Variants in RBL1 observed in about 807,000 individuals in gnomAD.
RBL1 encodes RB transcriptional corepressor like 1, also known as retinoblastoma-like protein 1.
Under a neutral mutation model 123.0 loss-of-function variants are expected in RBL1, and 82 were observed. That is an observed-to-expected ratio of 0.67 (90% CI 0.56 to 0.80). RBL1 has a LOEUF of 0.80. RBL1 is among the 30% of genes least tolerant of loss of function. RBL1 has a pLI of 0.00. For synonymous variants in RBL1, 405 were observed against 441.3 expected (o/e 0.92, Z 1.03); for missense variants, 1,171 against 1,299.6 (o/e 0.90, Z 1.52).
chr20:37,010,422 T>C (rs749748658), intron 19 of RBL1, among the ~76,000 whole-genome samples: 8 of 152,194 alleles, frequency 5.3e-5, no homozygotes, highest in Non-Finnish European at 7.3e-5. Flanking sequence ...TACATAGTTG[T>C]GTATTGCATA....
intron 9 of RBL1, among the ~76,000 whole-genome samples, chr20:37,058,149 A>AAAAAAAAAAC: frequency 6.6e-6 from 1 of 150,652 alleles, no homozygotes; most frequent in Non-Finnish European, 1.5e-5. Context: ...ACAAAAAAAA[A>AAAAAAAAAAC]AAAGCCTATT....
At chr20:37,025,471 G>A (rs183803057) in intron 16 of RBL1, among the ~76,000 whole-genome samples, 40 of 152,104 alleles carry the variant, frequency 2.6e-4, no homozygotes, top group African/African-American at 8.9e-4. Flanking sequence ...AGTGAGCCAT[G>A]ATCTTGCCAC....
chr20:37,048,967 C>T (rs1287029488), intron 11 of RBL1, among the ~76,000 whole-genome samples: 2 of 150,514 alleles, frequency 1.3e-5, no homozygotes, highest in African/African-American at 4.9e-5. Context: ...TTTGGGAGGC[C>T]GAGGGGGGTG....
intron 12 of RBL1, among the ~76,000 whole-genome samples, chr20:37,045,001 T>A (rs1266543825): frequency 6.6e-6 from 1 of 152,088 alleles, no homozygotes; most frequent in Non-Finnish European, 1.5e-5. Context: ...GTATCTAGAA[T>A]AAAGTTTATA....
chr20:37,021,339 T>C (rs2064336620), intron 17 of RBL1, among the ~76,000 whole-genome samples: 1 of 152,216 alleles, frequency 6.6e-6, no homozygotes, highest in Non-Finnish European at 1.5e-5. Context: ...CCATTAGTGC[T>C]AAACCTGTTC....
chr20:36,997,157 A>T lies in RBL1; in HGVS notation c.*1602T>A, dbSNP rs1176807074. 1 of 152,218 alleles carries T rather than the reference A, an allele frequency of 6.6e-6. No individual in the cohort carries two copies. The highest frequency in any genetic ancestry group is 1.9e-4 in the East Asian group (1 of 5,204). 9.4% of individuals were successfully genotyped at this position (152,218 alleles called of 1,614,324 possible). A position where few individuals can be genotyped will look rare whatever the true frequency, so the allele number is the denominator to read the frequency against. Reference sequence around the variant, plus strand: ...CATGTCCTTTGGATTCCAGACACACACTAGAAAAAGTAAACGTTAAAGAGG... The same window carrying T: ...CATGTCCTTTGGATTCCAGACACACTCTAGAAAAAGTAAACGTTAAAGAGG... On this transcript the variant is annotated 3_prime_UTR_variant, in exon 22 of 22. Coordinates refer to ENST00000373664, the MANE Select transcript of RBL1 (RefSeq NM_002895.5).
At chr20:37,008,742 C>A (rs1373349694) in intron 19 of RBL1, among the ~76,000 whole-genome samples, 1 of 150,220 alleles carries the variant, frequency 6.7e-6, no homozygotes, top group South Asian at 2.1e-4. Flanking sequence ...CCAGAAAACA[C>A]AAACATGGTT....
chr20:36,999,748 C>T (rs1190946475), intron 21 of RBL1, among the ~76,000 whole-genome samples: 2 of 152,258 alleles, frequency 1.3e-5, no homozygotes, highest in African/African-American at 2.4e-5. Context: ...CCAGCCTCGG[C>T]CTCCCGAGGT....
At chr20:37,070,306 G>A (rs972359133) in intron 2 of RBL1, among the ~76,000 whole-genome samples, 3 of 151,940 alleles carry the variant, frequency 2.0e-5, no homozygotes, top group African/African-American at 7.3e-5. Context: ...CTCCCTAATC[G>A]CAAGTTCCCA....
chr20:37,083,207 C>A (rs1303129120), intron 2 of RBL1, among the ~76,000 whole-genome samples: 1 of 152,096 alleles, frequency 6.6e-6, no homozygotes, highest in East Asian at 1.9e-4. Context: ...GTGGCTCATG[C>A]CTGTAATCTT....
intron 13 of RBL1, among the ~76,000 whole-genome samples, chr20:37,043,665 G>A (rs576195879): frequency 2.6e-5 from 4 of 152,016 alleles, no homozygotes; most frequent in East Asian, 1.9e-4. Context: ...GTGAAACCCC[G>A]CCTTAAAAAA....
At chr20:37,000,862 T>G (rs2063963424) in intron 21 of RBL1, among the ~76,000 whole-genome samples, 1 of 125,776 alleles carries the variant, frequency 8.0e-6, no homozygotes, top group Non-Finnish European at 1.7e-5. Flanking sequence ...GAGGAGCCCC[T>G]CTGCCCGGCC....
chr20:37,058,650 C>T (rs1176514222), intron 9 of RBL1, among the ~76,000 whole-genome samples: 1 of 152,024 alleles, frequency 6.6e-6, no homozygotes, highest in Non-Finnish European at 1.5e-5. Context: ...AGCAATACAC[C>T]CACCCTGGCC....
chr20:37,024,792 A>T lies in RBL1; in HGVS notation c.2383-1966T>A, dbSNP rs76034357. On this transcript the variant is annotated intron_variant, in intron 16 of 21. Transcript: ENST00000373664. The stretch of plus-strand genomic sequence containing the variant: ...GAGGCAATAATTTGCCATTTTGAAA[A>T]TTAAAAATGGTAAGTAAATGGGGAA... Among the ~76,000 whole-genome samples, 56 of 152,310 alleles carry T rather than the reference A, an allele frequency of 3.7e-4. No homozygotes were observed. In the East Asian group the frequency reaches 8.3e-3, roughly 23 times the overall value.
At chr20:37,054,028 TACACACACAC>T (rs55898438) in intron 11 of RBL1, among the ~76,000 whole-genome samples, 3 of 146,952 alleles carry the variant, frequency 2.0e-5, no homozygotes, top group Non-Finnish European at 3.0e-5. Context: ...TACAATTTTA[TACACACACAC>T]ACACACACAC....
In RBL1 at chr20:37,061,281, G is replaced by A. The variant is rs756140252; in HGVS notation, c.1084-12C>T. Reference sequence around the variant, plus strand: ...GCAAATGACCTTTTCTGTCAGAAAAGAAAAATCCGTGAGTTTTTAAAAGTT... The same window carrying A: ...GCAAATGACCTTTTCTGTCAGAAAAAAAAAATCCGTGAGTTTTTAAAAGTT... On this transcript the variant is annotated splice_polypyrimidine_tract_variant and intron_variant, in intron 8 of 21. Transcript: ENST00000373664. The A allele has an allele frequency of 1.2e-6, 2 of 1,604,462 alleles. No homozygotes were observed. Among genetic ancestry groups the A allele is most frequent in the Non-Finnish European group, 1.7e-6 (2 of 1,174,430 alleles).
At chr20:37,056,316 G>T in intron 9 of RBL1, 58 bp from the exon 10 acceptor site, 1 of 1,104,264 alleles carries the variant, frequency 9.1e-7, no homozygotes. Context: ...AAACAAAAAA[G>T]ACTCCACACC....
At chr20:37,023,835 G>A (rs1226555938) in intron 16 of RBL1, among the ~76,000 whole-genome samples, 1 of 140,266 alleles carries the variant, frequency 7.1e-6, no homozygotes, top group Non-Finnish European at 1.5e-5. Context: ...TTGGAGTGCA[G>A]TGGCATGATC....
At position 37,013,291 on chromosome 20, in the gene RBL1, C is replaced by A. The variant is rs2064194408; in HGVS notation, c.2722+4988G>T. Among the ~76,000 whole-genome samples the A allele has an allele frequency of 4.0e-5, 6 of 151,804 alleles. No homozygotes were observed. The South Asian group carries it at 1.3e-3, about 32-fold the overall frequency. On this transcript the variant is annotated intron_variant, in intron 19 of 21. Transcript: ENST00000373664. ...ATCCTGTTGATCTGTGACCTTACCCCCAACCCTGTGCTCTCTGAAACATGT... is the reference window on the plus strand; with the variant it reads ...ATCCTGTTGATCTGTGACCTTACCCACAACCCTGTGCTCTCTGAAACATGT...
Sources: allele counts gnomAD v4.1 joint callset (sites outside exome capture counted in the v4.1 genomes callset), GRCh38; gene constraint gnomAD v4.1.1; transcripts MANE v1.5; gene names NCBI Gene and HGNC (gene_info 2026-07-23, HGNC 2026-07-21).